Variants in HAO2 observed in about 807,000 individuals in gnomAD.
HAO2 encodes the protein hydroxyacid oxidase 2, also known as 2-Hydroxyacid oxidase 2.
Under a neutral mutation model 37.4 loss-of-function variants are expected in HAO2, and 42 were observed. The observed-to-expected ratio is 1.12, with a 90% CI of 0.88 to 1.45. HAO2 has a LOEUF of 1.45. Ranked by LOEUF, HAO2 falls within the 40% of genes most tolerant of loss-of-function variation. The pLI is 0.00. For missense variants in HAO2, 476 were observed against 430.2 expected (o/e 1.11, Z -0.94); for synonymous variants, 180 against 162.8 (o/e 1.11, Z -0.81).
chr1:119,380,126 C>T (rs1225902279), intron 1 of HAO2, among the ~76,000 whole-genome samples: 1 of 152,134 alleles, frequency 6.6e-6, no homozygotes, highest in East Asian at 1.9e-4. Flanking sequence ...CTCTGTTTTT[C>T]CTTCTGGAAT....
At chr1:119,370,033 T>C (rs1648852439) in intron 1 of HAO2, 1 of 152,234 alleles carries the variant, frequency 6.6e-6, no homozygotes, top group Non-Finnish European at 1.5e-5. Context: ...TCTCCAGGGC[T>C]ACCCTTTTCC....
rs1651125533 is a variant in HAO2 at position 119,393,927 on chromosome 1, G to A, written c.*87G>A. 2.5e-6 allele frequency: 4 copies of A among 1,600,346 alleles called. No homozygotes were observed. Among genetic ancestry groups the A allele is most frequent in the East Asian group, 4.5e-5 (2 of 44,318 alleles). On this transcript the variant is annotated 3_prime_UTR_variant, in exon 8 of 8. Coordinates refer to ENST00000325945, the MANE Select transcript of HAO2 (RefSeq NM_016527.4). ...ACAGTGTGTGATGCTGTCCTTCCTG[G>A]ACCCCATTCTGTCCGGAGGCTCATG... is the stretch of plus-strand genomic sequence containing the variant.
intron 4 of HAO2, 179 bp downstream of exon 4, chr1:119,385,232 A>G (rs911397082): frequency 1.9e-5 from 19 of 984,330 alleles, no homozygotes; most frequent in African/African-American, 3.5e-5. Context: ...TAGAGTTTCC[A>G]GACAAGCACA....
At chr1:119,381,244 T>C in intron 2 of HAO2, 28 bp downstream of exon 2, 1 of 1,584,642 alleles carries the variant, frequency 6.3e-7, no homozygotes, top group Non-Finnish European at 8.7e-7. Flanking sequence ...CTGTCTATTG[T>C]TAGGTTAAGG....
At chr1:119,381,509 T>C (rs1450425355) in intron 2 of HAO2, among the ~76,000 whole-genome samples, 1 of 152,162 alleles carries the variant, frequency 6.6e-6, no homozygotes, top group African/African-American at 2.4e-5. Context: ...ACCAGTTCCC[T>C]AGGCAGGGAG....
intron 1 of HAO2, among the ~76,000 whole-genome samples, chr1:119,373,378 T>C (rs1442485209): frequency 6.6e-6 from 1 of 152,000 alleles, no homozygotes; most frequent in Admixed American, 6.6e-5. Context: ...ATTTCAAGAG[T>C]CATATCGTAT....
At chr1:119,383,899 T>C (rs1650168962) in intron 3 of HAO2, among the ~76,000 whole-genome samples, 1 of 152,180 alleles carries the variant, frequency 6.6e-6, no homozygotes, top group Non-Finnish European at 1.5e-5. Flanking sequence ...GGTTGAGATA[T>C]TAATATCCTA....
At chr1:119,368,972 T>C (rs1186391043) in intron 1 of HAO2, 70 bp downstream of exon 1, 1 of 152,190 alleles carries the variant, frequency 6.6e-6, no homozygotes, top group Non-Finnish European at 1.5e-5. Flanking sequence ...AGGATGGGAA[T>C]GGAAGATATC....
intron 6 of HAO2, 60 bp from the exon 7 acceptor site, chr1:119,392,558 G>T: frequency 9.3e-7 from 1 of 1,070,872 alleles, no homozygotes; most frequent in Non-Finnish European, 1.5e-6. Flanking sequence ...TTATACTAGT[G>T]GATGGTCAGA....
intron 1 of HAO2, among the ~76,000 whole-genome samples, chr1:119,378,895 G>A (rs1373883848): frequency 6.6e-6 from 1 of 152,196 alleles, no homozygotes; most frequent in East Asian, 1.9e-4. Flanking sequence ...ATGAACATTT[G>A]TAAGCAGCAA....
At chr1:119,381,050 T>G (rs761396436) in intron 1 of HAO2, 28 bp from the exon 2 acceptor site, 7 of 1,605,734 alleles carry the variant, frequency 4.4e-6, no homozygotes, top group South Asian at 1.1e-5. Flanking sequence ...TCACTGGGTT[T>G]GGTTTGGTTT....
intron 5 of HAO2, among the ~76,000 whole-genome samples, chr1:119,389,245 C>T (rs1650675514): frequency 7.1e-6 from 1 of 139,870 alleles, no homozygotes; most frequent in South Asian, 2.3e-4. Context: ...GTTAATTCTG[C>T]TGCTATAAAC....
intron 1 of HAO2, among the ~76,000 whole-genome samples, chr1:119,375,908 T>C (rs1430029266): frequency 1.3e-5 from 2 of 152,124 alleles, no homozygotes; most frequent in East Asian, 1.9e-4. Flanking sequence ...GACCCTCCTA[T>C]GACATGTGGG....
At position 119,389,402 on chromosome 1, in the gene HAO2, A is replaced by C. The variant is rs373177752; in HGVS notation, c.771+2571A>C. ...TTCCATAATAGTTGTACTAGCTCAC[A>C]TTCCCACCAGCAGTGTAGAAGTGTT... On this transcript the variant is annotated intron_variant, in intron 5 of 7. Coordinates refer to ENST00000325945, the MANE Select transcript of HAO2 (RefSeq NM_016527.4). 7.3e-5 allele frequency among the ~76,000 whole-genome samples: 11 copies of C among 151,416 alleles called. No individual in the cohort carries two copies. The East Asian group carries it at 1.4e-3, about 19-fold the overall frequency.
intron 1 of HAO2, among the ~76,000 whole-genome samples, chr1:119,380,140 C>G (rs1317386779): frequency 6.6e-6 from 1 of 152,182 alleles, no homozygotes; most frequent in Non-Finnish European, 1.5e-5. Context: ...CTGGAATCCT[C>G]TCATGCAGGA....
intron 1 of HAO2, among the ~76,000 whole-genome samples, chr1:119,369,699 GA>G (rs1166729744): frequency 6.6e-6 from 1 of 152,138 alleles, no homozygotes; most frequent in African/African-American, 2.4e-5. Flanking sequence ...AGATTGAGTG[GA>G]ACATCACTTG....
chr1:119,385,399 CT>C, intron 4 of HAO2: 1 of 951,632 alleles, frequency 1.1e-6, no homozygotes, highest in Non-Finnish European at 1.3e-6. Context: ...ACATTTTCTA[CT>C]TTATGACACA....
chr1:119,387,313 T>C lies in HAO2; in HGVS notation c.771+482T>C, dbSNP rs141306185. Among the ~76,000 whole-genome samples the C allele has an allele frequency of 1.2e-3, 183 of 152,314 alleles. 3 individuals are homozygous for C. The East Asian group carries it at 0.033, about 28-fold the overall frequency. On this transcript the variant is annotated intron_variant, in intron 5 of 7. Transcript: ENST00000325945. ...AAATTTATGTTCATTATAAATGAAG[T>C]TTGAGGGCAAGAAAGTGAGAGAAAG...
chr1:119,390,945 A>T (rs753856319), intron 5 of HAO2, among the ~76,000 whole-genome samples: 1 of 152,294 alleles, frequency 6.6e-6, no homozygotes, highest in East Asian at 1.9e-4. Flanking sequence ...GGTGATTTCA[A>T]AGTTCCTCAT....
Sources: gnomAD v4.1 joint callset for allele counts (sites outside exome capture counted in the v4.1 genomes callset) on GRCh38, gnomAD v4.1.1 for gene constraint, MANE v1.5 for transcripts, NCBI Gene and HGNC (gene_info 2026-07-23, HGNC 2026-07-21) for gene names.